Variants in FAM221B observed in about 807,000 individuals in gnomAD.
FAM221B encodes family with sequence similarity 221 member B.
Under a neutral mutation model 39.8 loss-of-function variants are expected in FAM221B, and 35 were observed. The ratio of observed to expected loss-of-function variants is 0.88; its 90% CI spans 0.67 to 1.17. The LOEUF is 1.17. FAM221B is among the 50% of genes most tolerant of loss of function. The pLI is 0.00. For synonymous variants in FAM221B, 158 were observed against 178.1 expected (o/e 0.89, Z 0.90); for missense variants, 479 against 503.1 (o/e 0.95, Z 0.46).
Position 35,825,416 on chromosome 9 carries a change from C to T in FAM221B, c.599-43G>A, listed in dbSNP as rs4879930. 0.7 allele frequency: 1,128,407 copies of T among 1,611,454 alleles called. 401,774 individuals carry two copies. Among genetic ancestry groups the T allele is most frequent in the Middle Eastern group, 0.73 (4,445 of 6,056 alleles). ...GAGTAACCAGGGGGAAGTGAGAAGG[C>T]CCTAAAACTAAGAGAAGGGGCCATG... On this transcript the variant is annotated intron_variant, in intron 2 of 6. Transcript: ENST00000423537. This position sits in a 1 kb window ranked among gnomAD's most constrained non-coding sequence, Gnocchi z 4.2.
Position 35,828,399 on chromosome 9 carries a change from G to C in FAM221B, c.-1+64C>G. The C allele has an allele frequency of 1.7e-6, 1 of 575,966 alleles. No individual in the cohort carries two copies. The highest frequency in any genetic ancestry group is 2.2e-6 in the Non-Finnish European group (1 of 456,054). 35.7% of individuals were successfully genotyped at this position (575,966 alleles called of 1,614,324 possible). ...TACTACAACAATGTGAAGGGACTGA[G>C]GGGTGGGAGAAAGACAGATGTCTTT... On this transcript the variant is annotated intron_variant, in intron 1 of 6. Transcript: ENST00000423537. This position sits in a 1 kb window ranked among gnomAD's most constrained non-coding sequence, Gnocchi z 4.5.
rs2132133276 is a variant in FAM221B, at chr9:35,817,867, CTGCTT to C, written c.*597_*601del. 6.5e-6 allele frequency: 1 copy of C among 152,974 alleles called. No individual in the cohort carries two copies. The highest frequency in any genetic ancestry group is 1.9e-4 in the East Asian group (1 of 5,188). The allele number at this position is 152,974 out of a possible 1,614,324, so 9.5% of individuals were successfully genotyped here. On this transcript the variant is annotated 3_prime_UTR_variant, in exon 7 of 7. Transcript: ENST00000423537. ...CTGTCCAGAGAAAATCCCTTCACCT[CTGCTT>C]TGACCTCATCCCTTTCCTCCATCTC...
At chr9:35,821,862 G>A (rs1375091691) in intron 3 of FAM221B, among the ~76,000 whole-genome samples, 1 of 152,162 alleles carries the variant, frequency 6.6e-6, no homozygotes, top group Non-Finnish European at 1.5e-5. Context: ...ATTCCAGTGG[G>A]ACCCTCTACT....
rs746490281 is a variant in FAM221B, at chr9:35,825,623, T to G, written c.539A>C (p.Glu180Ala). 8 of 1,614,214 alleles carry G rather than the reference T, an allele frequency of 5.0e-6. No individual in the cohort carries two copies. In the South Asian group the frequency reaches 7.7e-5, roughly 16 times the overall value. The change falls in exon 2 of 7, where the codon GAA becomes GCA. Residue 180 changes from glutamate (E) to alanine (A), a missense_variant. By Grantham distance (107) the Glu-to-Ala change is moderately radical. Transcript: ENST00000423537. This position sits in a 1 kb window ranked among gnomAD's most constrained non-coding sequence, Gnocchi z 4.2. ...GCTGTCACTGGCATCTACTCCCTTT[T>G]CAACCTCTCCTGCTTCTTCCTCCTG... ...EKQEEEAGEV[E>A]KGVDASDSTA... is the part of the protein sequence containing the mutation.
intron 3 of FAM221B, among the ~76,000 whole-genome samples, chr9:35,824,440 T>C (rs1260631993): frequency 6.6e-6 from 1 of 152,092 alleles, no homozygotes; most frequent in African/African-American, 2.4e-5. Context: ...AGGACACAGG[T>C]CTCCCCTTTG....
intron 3 of FAM221B, among the ~76,000 whole-genome samples, chr9:35,824,509 C>G (rs1447985086): frequency 6.6e-6 from 1 of 151,676 alleles, no homozygotes; most frequent in Non-Finnish European, 1.5e-5. Flanking sequence ...GGGGTGACAG[C>G]CTTTTAATGG....
Position 35,828,531 on chromosome 9 carries a change from G to T in FAM221B, c.-69C>A, listed in dbSNP as rs938610735. On this transcript the variant is annotated 5_prime_UTR_variant, in exon 1 of 7. Transcript: ENST00000423537. This position sits in a 1 kb window ranked among gnomAD's most constrained non-coding sequence, Gnocchi z 4.5. ...CCTTGACTTAGGATGGCAGGGGGAG[G>T]TGTTGATCCTCAGGGAGGAAAGGCT... 4.1e-6 allele frequency: 4 copies of T among 985,386 alleles called. No homozygotes were observed. In the African/African-American group the frequency reaches 7.0e-5, roughly 17 times the overall value. The allele number at this position is 985,386 out of a possible 1,614,324, so 61.0% of individuals were successfully genotyped here.
At position 35,823,955 on chromosome 9, in the gene FAM221B, T is replaced by C. The variant is rs1829214791; in HGVS notation, c.742+1275A>G. ...TTTGGGATTACAGATGTGAGCCACC[T>C]TGCCAGCCAGAATTTGCAAGAAAAT... On this transcript the variant is annotated intron_variant, in intron 3 of 6. Coordinates refer to ENST00000423537, the MANE Select transcript of FAM221B (RefSeq NM_001012446.4). 2.0e-5 allele frequency among the ~76,000 whole-genome samples: 3 copies of C among 152,028 alleles called. No individual in the cohort carries two copies. In the South Asian group the frequency reaches 6.2e-4, roughly 32 times the overall value.
Position 35,826,033 on chromosome 9 carries a change from G to A in FAM221B, c.129C>T (p.Ser43=), listed in dbSNP as rs1173466326. The change falls in exon 2 of 7, where the codon TCC becomes TCT. Residue 43 remains serine (S), a synonymous_variant. Transcript: ENST00000423537. The part of the protein sequence containing the change: ...NHISESFLKP[S]TSETPLEPHT... ...GGGGCTCTAACGGGGTCTCAGAGGT[G>A]GAAGGCTTCAAGAAGCTTTCAGAGA... The A allele has an allele frequency of 1.2e-6, 2 of 1,614,108 alleles. No homozygotes were observed. The highest frequency in any genetic ancestry group is 2.2e-5 in the East Asian group (1 of 44,870).
chr9:35,819,473 C>T, intron 4 of FAM221B, 79 bp from the exon 5 acceptor site: 1 of 1,300,394 alleles, frequency 7.7e-7, no homozygotes, highest in Non-Finnish European at 1.1e-6. Flanking sequence ...TCCATCCCCA[C>T]CACCCCCTAT....
At chr9:35,821,421 A>G (rs1829147593) in intron 3 of FAM221B, 1 of 1,365,776 alleles carries the variant, frequency 7.3e-7, no homozygotes, top group Non-Finnish European at 9.8e-7. Context: ...GCCTCAGATT[A>G]AGTTTTCTTG....
rs1829072668 is a variant in FAM221B, at chr9:35,818,875, A to G, written c.1171+15T>C. 6.4e-7 allele frequency: 1 copy of G among 1,551,370 alleles called. No homozygotes were observed. The highest frequency in any genetic ancestry group is 1.4e-5 in the African/African-American group (1 of 73,022). ...AGACCCTGGAATGGCCCCCTGTCCC[A>G]GGTTTCTGCCTCACCGCGAGGCCTT... is the stretch of plus-strand genomic sequence containing the variant. On this transcript the variant is annotated intron_variant, in intron 6 of 6. Coordinates refer to ENST00000423537, the MANE Select transcript of FAM221B (RefSeq NM_001012446.4).
chr9:35,821,206 C>T (rs1829142942), intron 3 of FAM221B, among the ~76,000 whole-genome samples: 1 of 152,202 alleles, frequency 6.6e-6, no homozygotes, highest in Non-Finnish European at 1.5e-5. Flanking sequence ...TGTCTTTTCA[C>T]CCGTATCTCT....
chr9:35,827,937 T>G, intron 1 of FAM221B, among the ~76,000 whole-genome samples: 3 of 147,780 alleles, frequency 2.0e-5, no homozygotes, highest in Admixed American at 6.7e-5. Flanking sequence ...AGATGGGAGG[T>G]GAGGAAGGGG....
intron 3 of FAM221B, chr9:35,821,503 T>C (rs1829150016): frequency 7.3e-7 from 1 of 1,367,830 alleles, no homozygotes; most frequent in Admixed American, 1.9e-5. Flanking sequence ...TCTGTCTTGA[T>C]GCTGATTGCC....
At chr9:35,818,582 A>G (rs60095255) in intron 6 of FAM221B, 76 bp from the exon 7 acceptor site, 42,596 of 1,424,794 alleles carry the variant, frequency 0.03, 1,260 homozygotes, top group African/African-American at 0.15. Flanking sequence ...GACCGTGTGA[A>G]CCAGGGAGCC....
In FAM221B at chr9:35,828,380, A is replaced by T. The variant is rs12340332; in HGVS notation, c.-1+83T>A. On this transcript the variant is annotated intron_variant, in intron 1 of 6. Transcript: ENST00000423537. This position sits in a 1 kb window ranked among gnomAD's most constrained non-coding sequence, Gnocchi z 4.5. The stretch of plus-strand genomic sequence containing the variant: ...CTACTACTACTACTACTACTACTAC[A>T]ACAATGTGAAGGGACTGAGGGGTGG... 29,002 of 259,712 alleles carry T rather than the reference A, an allele frequency of 0.11. 1,935 individuals are homozygous for T. The highest frequency in any genetic ancestry group is 0.26 in the East Asian group (1,171 of 4,538). 16.1% of individuals were successfully genotyped at this position (259,712 alleles called of 1,614,324 possible).
At chr9:35,821,309 G>A in intron 3 of FAM221B, 1 of 559,100 alleles carries the variant, frequency 1.8e-6, no homozygotes, top group South Asian at 1.9e-5. Context: ...GAGGAAGAGA[G>A]AGCCAGTATT....
In FAM221B at chr9:35,818,439, C is replaced by G. The variant is rs752924318; in HGVS notation, c.*30G>C. ...ATAGAGCCAAGTCAGGTTCCAATGACTCCTCTTTTATTGCTGATCTGGGCC... is the reference window on the plus strand; with the variant it reads ...ATAGAGCCAAGTCAGGTTCCAATGAGTCCTCTTTTATTGCTGATCTGGGCC... On this transcript the variant is annotated 3_prime_UTR_variant, in exon 7 of 7. Coordinates refer to ENST00000423537, the MANE Select transcript of FAM221B (RefSeq NM_001012446.4). The G allele has an allele frequency of 3.9e-6, 6 of 1,550,904 alleles. No homozygotes were observed. The South Asian group carries it at 7.1e-5, about 18-fold the overall frequency.
Sources: gnomAD v4.1 joint callset for allele counts (sites outside exome capture counted in the v4.1 genomes callset) on GRCh38, gnomAD v4.1.1 for gene constraint, Gnocchi (gnomAD v3.1) non-coding constraint, MANE v1.5 for transcripts, NCBI Gene and HGNC (gene_info 2026-07-23, HGNC 2026-07-21) for gene names.